FGD4: variants seen among roughly 807,000 people sequenced by gnomAD.
FGD4 encodes FYVE, RhoGEF and PH domain containing 4, also known as FYVE, RhoGEF and PH domain-containing protein 4.
FGD4 carries 42 observed loss-of-function variants against 102.0 expected under a neutral mutation model. The ratio of observed to expected loss-of-function variants is 0.41; its 90% CI spans 0.32 to 0.53. The LOEUF (loss-of-function observed/expected upper bound fraction) is 0.53, where lower values mean the gene tolerates loss of function less well. FGD4 is among the 20% of genes least tolerant of loss of function. The pLI is 0.21. For missense variants in FGD4, 902 were observed against 1,078.2 expected (o/e 0.84, Z 2.29); for synonymous variants, 380 against 375.7 (o/e 1.01, Z -0.13).
intron 1 of FGD4, chr12:32,511,238 A>G (rs937626598): frequency 6.6e-6 from 1 of 152,270 alleles, no homozygotes; most frequent in Non-Finnish European, 1.5e-5. Flanking sequence ...AGCAAAGGGA[A>G]GCAACCATGG....
chr12:32,505,301 A>G (rs1458813946), intron 1 of FGD4, among the ~76,000 whole-genome samples: 1 of 152,178 alleles, frequency 6.6e-6, no homozygotes, highest in Non-Finnish European at 1.5e-5. Context: ...CATCAGCACA[A>G]TTTTGCATTG....
intron 1 of FGD4, among the ~76,000 whole-genome samples, chr12:32,552,376 C>T (rs1280189635): frequency 6.6e-6 from 1 of 151,824 alleles, no homozygotes; most frequent in African/African-American, 2.4e-5. Context: ...TCTCCTGCTT[C>T]AGCCTCCTGA....
intron 3 of FGD4, among the ~76,000 whole-genome samples, chr12:32,577,848 G>C (rs765388150): frequency 6.6e-6 from 1 of 152,148 alleles, no homozygotes; most frequent in South Asian, 2.1e-4. Flanking sequence ...CTGCATAATA[G>C]GAGGGGCTGG....
At chr12:32,564,038 G>A (rs920308110) in intron 1 of FGD4, 99 bp from the exon 2 acceptor site, 10 of 1,115,312 alleles carry the variant, frequency 9.0e-6, no homozygotes, top group African/African-American at 4.9e-5. Flanking sequence ...GGAGGGGGAG[G>A]GGGAGGGAGA....
intron 10 of FGD4, among the ~76,000 whole-genome samples, chr12:32,612,738 A>G (rs1949221073): frequency 6.6e-6 from 1 of 152,176 alleles, no homozygotes; most frequent in African/African-American, 2.4e-5. Flanking sequence ...TAGGCTAAAA[A>G]TATATATAAG....
intron 1 of FGD4, among the ~76,000 whole-genome samples, chr12:32,473,670 C>G (rs1005168307): frequency 2.6e-5 from 4 of 152,198 alleles, no homozygotes; most frequent in Non-Finnish European, 4.4e-5. Flanking sequence ...CAGCTCATCT[C>G]AAACTGAAGA....
chr12:32,573,159 G>T (rs1945816491), intron 2 of FGD4, among the ~76,000 whole-genome samples: 1 of 152,070 alleles, frequency 6.6e-6, no homozygotes, highest in South Asian at 2.1e-4. Flanking sequence ...GCAGTGGCGC[G>T]ATCTCGGCTC....
chr12:32,435,078 G>A lies in FGD4; in HGVS notation c.166+35119G>A, dbSNP rs140453559. 4.6e-3 allele frequency among the ~76,000 whole-genome samples: 694 copies of A among 152,020 alleles called. 2 individuals carry two copies. The highest frequency in any genetic ancestry group is 7.5e-3 in the Non-Finnish European group (508 of 67,988). Reference sequence around the variant, plus strand: ...CCTGTCTCAGCCTCCCGAGTAGCTGGGATTACAGGCATGCGCCACCACGCC... The same window carrying A: ...CCTGTCTCAGCCTCCCGAGTAGCTGAGATTACAGGCATGCGCCACCACGCC... On this transcript the variant is annotated intron_variant, in intron 1 of 16. Transcript: ENST00000534526.
At chr12:32,580,287 T>C (rs1320110710) in intron 3 of FGD4, among the ~76,000 whole-genome samples, 1 of 152,102 alleles carries the variant, frequency 6.6e-6, no homozygotes, top group Non-Finnish European at 1.5e-5. Context: ...AACAAGGTAA[T>C]TATTGTAAGG....
At chr12:32,518,100 G>A (rs929061222) in intron 1 of FGD4, among the ~76,000 whole-genome samples, 2 of 152,208 alleles carry the variant, frequency 1.3e-5, no homozygotes, top group African/African-American at 4.8e-5. Flanking sequence ...GGATTGACGT[G>A]TGTAGACAAC....
At chr12:32,623,117 A>G (rs1432264526) in intron 11 of FGD4, among the ~76,000 whole-genome samples, 6 of 152,244 alleles carry the variant, frequency 3.9e-5, no homozygotes, top group Non-Finnish European at 8.8e-5. Flanking sequence ...TTTCAAAAAG[A>G]TAAAAAGTAT....
At chr12:32,585,859 AAG>A (rs1491304268) in intron 4 of FGD4, among the ~76,000 whole-genome samples, 2 of 147,528 alleles carry the variant, frequency 1.4e-5, no homozygotes, top group African/African-American at 2.5e-5. Flanking sequence ...AAAAAAAAAA[AAG>A]GGAAATGCAG....
rs1464186353 is a variant in FGD4, at chr12:32,644,577, CTT to C, written c.*4046_*4047del. On this transcript the variant is annotated 3_prime_UTR_variant, in exon 17 of 17. Transcript: ENST00000534526. ...TAATCACGTAGTCATGAGAAGATAA[CTT>C]TGCTTTCTTTACAGAAAGGGCAGAG... 4 of 152,054 alleles carry C rather than the reference CTT, an allele frequency of 2.6e-5. No individual in the cohort carries two copies. Among genetic ancestry groups the C allele is most frequent in the African/African-American group, 9.7e-5 (4 of 41,408 alleles). 9.4% of individuals were successfully genotyped at this position (152,054 alleles called of 1,614,324 possible). A position where few individuals can be genotyped will look rare whatever the true frequency, so the allele number is the denominator to read the frequency against.
rs191927374 is a variant in FGD4 at position 32,573,241 on chromosome 12, G to A, written c.320-3025G>A. On this transcript the variant is annotated intron_variant, in intron 2 of 16. Coordinates refer to ENST00000534526, the MANE Select transcript of FGD4 (RefSeq NM_001370298.3). The stretch of plus-strand genomic sequence containing the variant: ...CTCCCGAGTAGCTGGGACTACAAGC[G>A]CCCGCCACCAAACCCGGCTAATTTT... 3.5e-4 allele frequency among the ~76,000 whole-genome samples: 53 copies of A among 152,194 alleles called. No individual in the cohort carries two copies. The East Asian group carries it at 8.5e-3, about 24-fold the overall frequency.
intron 1 of FGD4, among the ~76,000 whole-genome samples, chr12:32,550,018 C>T (rs755299279): frequency 4.6e-5 from 7 of 152,234 alleles, no homozygotes; most frequent in Admixed American, 1.3e-4. Flanking sequence ...CCTTTGCTTC[C>T]CAGCTGCAGT....
At chr12:32,495,695 C>CAAAAAAAAAAAAAAAAAAAAAAAAA (rs766436638) in intron 1 of FGD4, among the ~76,000 whole-genome samples, 7 of 76,066 alleles carry the variant, frequency 9.2e-5, no homozygotes, top group African/African-American at 3.2e-4. Flanking sequence ...GACTCTGTTT[C>CAAAAAAAAAAAAAAAAAAAAAAAAA]AAAAAAAAAA....
chr12:32,427,865 T>A (rs192137262), intron 1 of FGD4, among the ~76,000 whole-genome samples: 1 of 152,346 alleles, frequency 6.6e-6, no homozygotes, highest in Non-Finnish European at 1.5e-5. Context: ...GTCTGTTTTA[T>A]CAGAGACTAG....
intron 3 of FGD4, among the ~76,000 whole-genome samples, chr12:32,578,078 C>T (rs1286187778): frequency 6.6e-6 from 1 of 152,128 alleles, no homozygotes; most frequent in East Asian, 1.9e-4. Context: ...TAAATTCAAT[C>T]CTGTTTTGAT....
chr12:32,482,285 A>G (rs1411448597), intron 1 of FGD4, among the ~76,000 whole-genome samples: 1 of 152,220 alleles, frequency 6.6e-6, no homozygotes, highest in Non-Finnish European at 1.5e-5. Flanking sequence ...GATGGGAAAA[A>G]CAGAGACAGA....
Sources: allele counts gnomAD v4.1 joint callset (sites outside exome capture counted in the v4.1 genomes callset), GRCh38; gene constraint gnomAD v4.1.1; transcripts MANE v1.5; gene names NCBI Gene and HGNC (gene_info 2026-07-23, HGNC 2026-07-21).